TPO: variants seen among roughly 807,000 people sequenced by gnomAD.
The protein encoded by TPO is thyroid microsomal antigen.
TPO carries 78 observed loss-of-function variants against 96.9 expected under a neutral mutation model. The observed-to-expected ratio is 0.81, with a 90% CI of 0.67 to 0.97. The LOEUF (loss-of-function observed/expected upper bound fraction) is 0.97, where lower values mean the gene tolerates loss of function less well. TPO is among the 50% of genes least tolerant of loss of function. TPO has a pLI of 0.00. For missense variants in TPO, 1,252 were observed against 1,274.8 expected (o/e 0.98, Z 0.27); for synonymous variants, 547 against 538.0 (o/e 1.02, Z -0.23).
chr2:1,452,839 T>C (rs901064604), intron 5 of TPO, among the ~76,000 whole-genome samples: 1 of 152,248 alleles, frequency 6.6e-6, no homozygotes, highest in Admixed American at 6.5e-5. Context: ...AAGTGACTGT[T>C]AATTGTGCCT....
chr2:1,469,164 TC>T (rs1394618895), intron 7 of TPO, among the ~76,000 whole-genome samples: 8 of 152,262 alleles, frequency 5.3e-5, no homozygotes, highest in African/African-American at 1.9e-4. Flanking sequence ...TCTGGTGCCT[TC>T]CTGATTAGCT....
chr2:1,532,621 C>A (rs1283743068), intron 15 of TPO, among the ~76,000 whole-genome samples: 1 of 23,938 alleles, frequency 4.2e-5, no homozygotes, highest in African/African-American at 1.5e-4. Flanking sequence ...TCCACAAATC[C>A]CCCCCCACTC....
chr2:1,534,857 A>C, intron 15 of TPO, among the ~76,000 whole-genome samples: 1 of 102,998 alleles, frequency 9.7e-6, no homozygotes, highest in Non-Finnish European at 1.8e-5. Context: ...TAACCCCCCC[A>C]AATCCCACCA....
intron 7 of TPO, among the ~76,000 whole-genome samples, chr2:1,457,545 CG>C (rs1171010143): frequency 5.2e-5 from 4 of 77,652 alleles, no homozygotes; most frequent in African/African-American, 2.0e-4. Flanking sequence ...CATGTATGAT[CG>C]TGTGTGGGCA....
chr2:1,537,560 C>G (rs1316096898), intron 15 of TPO, among the ~76,000 whole-genome samples: 2 of 110,462 alleles, frequency 1.8e-5, no homozygotes, highest in African/African-American at 7.3e-5. Context: ...CTCCTGAAAT[C>G]CCCCAACTGT....
chr2:1,499,229 C>G (rs1391241305), intron 13 of TPO, among the ~76,000 whole-genome samples: 1 of 151,686 alleles, frequency 6.6e-6, no homozygotes, highest in Non-Finnish European at 1.5e-5. Context: ...GACCTTCCGC[C>G]TGCCCTCTGA....
intron 13 of TPO, among the ~76,000 whole-genome samples, chr2:1,497,257 A>C (rs1316271214): frequency 6.6e-6 from 1 of 152,120 alleles, no homozygotes; most frequent in African/African-American, 2.4e-5. Context: ...CCTGGCGGTA[A>C]TTTGAGAGCA....
At chr2:1,493,391 T>A (rs1225215812) in intron 10 of TPO, among the ~76,000 whole-genome samples, 4 of 152,150 alleles carry the variant, frequency 2.6e-5, no homozygotes, top group Non-Finnish European at 5.9e-5. Flanking sequence ...AGCTCCTTTA[T>A]GAACAAACCT....
chr2:1,494,096 C>T (rs541512030), intron 11 of TPO, 57 bp downstream of exon 11: 110 of 1,561,346 alleles, frequency 7.0e-5, no homozygotes, highest in African/African-American at 4.1e-4. Context: ...AGGTGGTCTG[C>T]GTTGGTTCTG....
In TPO at chr2:1,425,719, C is replaced by A. The variant is rs115164159; in HGVS notation, c.179+2590C>A. ...GAGATGAGTTATATCATTTTCTATC[C>A]TCAGAAGTCTGTACTCCTTCTGTAA... is the stretch of plus-strand genomic sequence containing the variant. On this transcript the variant is annotated intron_variant, in intron 3 of 16. Coordinates refer to ENST00000329066, the MANE Select transcript of TPO (RefSeq NM_001206744.2). Among the ~76,000 whole-genome samples the A allele has an allele frequency of 7.0e-3, 1,067 of 152,146 alleles. 14 individuals are homozygous for A. The highest frequency in any genetic ancestry group is 0.024 in the African/African-American group (977 of 41,498).
intron 15 of TPO, among the ~76,000 whole-genome samples, chr2:1,538,409 G>A (rs1680328677): frequency 6.6e-6 from 1 of 152,164 alleles, no homozygotes; most frequent in Admixed American, 6.5e-5. Flanking sequence ...CAATTGTATA[G>A]AAAAGTCAGG....
At chr2:1,473,971 C>G (rs954021060) in intron 7 of TPO, among the ~76,000 whole-genome samples, 1 of 152,082 alleles carries the variant, frequency 6.6e-6, no homozygotes, top group Non-Finnish European at 1.5e-5. Flanking sequence ...TGTTTTAAAT[C>G]TTATTTTCTC....
At chr2:1,443,764 T>C (rs1573209950) in intron 5 of TPO, among the ~76,000 whole-genome samples, 1 of 23,422 alleles carries the variant, frequency 4.3e-5, no homozygotes, top group Non-Finnish European at 1.0e-4. Context: ...TGGAAGGGAA[T>C]GGGGCAGGCT....
intron 13 of TPO, among the ~76,000 whole-genome samples, chr2:1,502,221 A>C (rs1249023911): frequency 2.0e-5 from 3 of 152,072 alleles, no homozygotes; most frequent in Non-Finnish European, 4.4e-5. Flanking sequence ...GGGATGCAGG[A>C]GGGGCTGGTT....
chr2:1,414,957 C>A (rs1412475470), intron 2 of TPO, among the ~76,000 whole-genome samples: 1 of 152,274 alleles, frequency 6.6e-6, no homozygotes. Context: ...AAGTTCCAAA[C>A]CCTGAGAACA....
At chr2:1,474,222 A>C (rs1669697815) in intron 7 of TPO, among the ~76,000 whole-genome samples, 1 of 152,230 alleles carries the variant, frequency 6.6e-6, no homozygotes, top group Admixed American at 6.5e-5. Flanking sequence ...GTGTTATTGC[A>C]TTTTAAGTAC....
chr2:1,396,539 T>C (rs1044775488), intron 1 of TPO, among the ~76,000 whole-genome samples: 3 of 152,210 alleles, frequency 2.0e-5, no homozygotes, highest in Admixed American at 1.3e-4. Context: ...AGGGAGCCCA[T>C]TGACTTGCAG....
At chr2:1,532,018 G>C (rs72776267) in intron 15 of TPO, among the ~76,000 whole-genome samples, 14,447 of 55,906 alleles carry the variant, frequency 0.26, 3,063 homozygotes, top group African/African-American at 0.28. Context: ...TGTGTGCAAC[G>C]TCCTCAAATC....
chr2:1,514,221 C>G (rs1235758538), intron 14 of TPO, among the ~76,000 whole-genome samples: 1 of 152,146 alleles, frequency 6.6e-6, no homozygotes, highest in Non-Finnish European at 1.5e-5. Context: ...CCACTTCCTG[C>G]TCTACTGGGG....
Sources: gnomAD v4.1 joint callset for allele counts (sites outside exome capture counted in the v4.1 genomes callset) on GRCh38, gnomAD v4.1.1 for gene constraint, MANE v1.5 for transcripts, NCBI Gene and HGNC (gene_info 2026-07-23, HGNC 2026-07-21) for gene names.